Variants in SLC35F2 observed in about 807,000 individuals in gnomAD.
SLC35F2 encodes queuine/queuosine transporter SLC35F2.
A neutral mutation model predicts 38.1 loss-of-function variants in SLC35F2; 25 were observed. The ratio of observed to expected loss-of-function variants is 0.66; its 90% CI spans 0.48 to 0.92. The LOEUF is 0.92. Among genes scored for constraint, SLC35F2 ranks in the 40% least tolerant of loss-of-function variants. The pLI is 0.00. For missense variants in SLC35F2, 409 were observed against 452.9 expected (o/e 0.90, Z 0.88); for synonymous variants, 173 against 181.7 (o/e 0.95, Z 0.38).
intron 7 of SLC35F2, among the ~76,000 whole-genome samples, chr11:107,801,924 C>A (rs1859316070): frequency 6.6e-6 from 1 of 152,092 alleles, no homozygotes; most frequent in Non-Finnish European, 1.5e-5. Flanking sequence ...CCTCCCTGGG[C>A]CTTTGTTTTT....
At position 107,815,769 on chromosome 11, in the gene SLC35F2, T is replaced by A. The variant is rs77987299; in HGVS notation, c.286+21A>T. 8.4e-4 allele frequency: 1,320 copies of A among 1,569,482 alleles called. 9 individuals carry two copies. In the African/African-American group the frequency reaches 0.016, roughly 19 times the overall value. On this transcript the variant is annotated intron_variant, in intron 2 of 7. Transcript: ENST00000525815. ...TATGAAGATAATTTTGTTGAAAAGA[T>A]AATTTCCACATTTGACATACCTGAT...
At chr11:107,809,329 CAAAAAAAAAA>C (rs61511493) in intron 3 of SLC35F2, among the ~76,000 whole-genome samples, 14,583 of 96,250 alleles carry the variant, frequency 0.15, 1,207 homozygotes, top group African/African-American at 0.29. Flanking sequence ...ACTCAAAATA[CAAAAAAAAAA>C]AAAAAAAAAA....
At chr11:107,816,015 TACACACACACACACACACACAC>T (rs370565333) in intron 1 of SLC35F2, 50 bp from the exon 2 acceptor site, 6 of 1,228,836 alleles carry the variant, frequency 4.9e-6, no homozygotes, top group Non-Finnish European at 2.2e-6. Flanking sequence ...AGTTATACCT[TACACACACACACACACACACAC>T]ACACACACAC....
intron 1 of SLC35F2, among the ~76,000 whole-genome samples, chr11:107,836,963 T>G (rs1859940148): frequency 6.6e-6 from 1 of 152,158 alleles, no homozygotes; most frequent in Non-Finnish European, 1.5e-5. Flanking sequence ...AAGAGTCTAT[T>G]AAAAAACTGC....
rs542568204 is a variant in SLC35F2 at position 107,858,036 on chromosome 11, T to TA, written c.110+621dup. Among the ~76,000 whole-genome samples the TA allele has an allele frequency of 1.6e-4, 24 of 152,250 alleles. No individual in the cohort carries two copies. The East Asian group carries it at 4.4e-3, about 28-fold the overall frequency. On this transcript the variant is annotated intron_variant, in intron 1 of 7. Coordinates refer to ENST00000525815, the MANE Select transcript of SLC35F2 (RefSeq NM_017515.5). Reference sequence around the variant, plus strand: ...CTTTCTAGAGTCGCTGCCCACTCCTTAAAAACATTTGTCCCTACTTCGCAC... The same window carrying TA: ...CTTTCTAGAGTCGCTGCCCACTCCTTAAAAAACATTTGTCCCTACTTCGCAC...
At chr11:107,802,366 C>G (rs2134768913) in intron 7 of SLC35F2, among the ~76,000 whole-genome samples, 1 of 152,306 alleles carries the variant, frequency 6.6e-6, no homozygotes, top group East Asian at 1.9e-4. Context: ...CTTGCTTCCC[C>G]TGAAGACACT....
intron 3 of SLC35F2, among the ~76,000 whole-genome samples, chr11:107,808,661 G>A (rs571226602): frequency 6.6e-6 from 1 of 152,288 alleles, no homozygotes; most frequent in Non-Finnish European, 1.5e-5. Context: ...AGTAGCATCA[G>A]TGGAGTCCAA....
chr11:107,796,276 A>G (rs1203187644), intron 7 of SLC35F2, among the ~76,000 whole-genome samples: 1 of 152,218 alleles, frequency 6.6e-6, no homozygotes, highest in Non-Finnish European at 1.5e-5. Context: ...ACTACTGGGT[A>G]TTTATCCAAA....
chr11:107,799,895 T>TTG (rs1555082170), intron 7 of SLC35F2, among the ~76,000 whole-genome samples: 11 of 25,660 alleles, frequency 4.3e-4, no homozygotes, highest in East Asian at 2.7e-3. Flanking sequence ...TTGTTTTTGT[T>TTG]TTTTTTTTTT....
intron 4 of SLC35F2, among the ~76,000 whole-genome samples, chr11:107,806,157 ACTC>A (rs1232616833): frequency 1.3e-5 from 2 of 152,182 alleles, no homozygotes; most frequent in Admixed American, 1.3e-4. Flanking sequence ...TCATAATTTA[ACTC>A]CTCAGAAGTC....
chr11:107,809,438 G>T (rs1161707736), intron 3 of SLC35F2, among the ~76,000 whole-genome samples: 1 of 144,924 alleles, frequency 6.9e-6, no homozygotes, highest in African/African-American at 2.6e-5. Flanking sequence ...CTCCAGCTCG[G>T]TGACAGAATG....
At chr11:107,802,941 C>A in intron 7 of SLC35F2, 60 bp downstream of exon 7, 2 of 1,474,790 alleles carry the variant, frequency 1.4e-6, no homozygotes, top group African/African-American at 1.5e-5. Flanking sequence ...CTTGAAGAAA[C>A]CTGCTACGTT....
chr11:107,800,306 C>T (rs1252949187), intron 7 of SLC35F2, among the ~76,000 whole-genome samples: 5 of 145,454 alleles, frequency 3.4e-5, no homozygotes, highest in Non-Finnish European at 5.9e-5. Flanking sequence ...TGTAACCTTG[C>T]AAACCAAAGG....
chr11:107,793,803 C>T (rs1396733495), intron 7 of SLC35F2, among the ~76,000 whole-genome samples: 1 of 151,996 alleles, frequency 6.6e-6, no homozygotes, highest in Non-Finnish European at 1.5e-5. Flanking sequence ...TCTCTGTTCC[C>T]AGAAGGACCA....
intron 1 of SLC35F2, among the ~76,000 whole-genome samples, chr11:107,847,687 CA>C (rs1236883433): frequency 6.6e-6 from 1 of 152,172 alleles, no homozygotes; most frequent in Non-Finnish European, 1.5e-5. Context: ...CACAGAGGGG[CA>C]CCCAACTGAA....
chr11:107,812,777 C>T (rs668785), intron 2 of SLC35F2, among the ~76,000 whole-genome samples: 69,486 of 151,898 alleles, frequency 0.46, 16,571 homozygotes, highest in African/African-American at 0.61. Context: ...TGACAAGCCA[C>T]GGACTATCCT....
At chr11:107,802,619 G>A (rs1405815224) in intron 7 of SLC35F2, among the ~76,000 whole-genome samples, 4 of 152,170 alleles carry the variant, frequency 2.6e-5, no homozygotes, top group Admixed American at 6.5e-5. Flanking sequence ...CAGACTTTTT[G>A]TCTCTATACC....
chr11:107,810,009 T>C (rs987835314), intron 3 of SLC35F2: 15 of 985,220 alleles, frequency 1.5e-5, no homozygotes, highest in Non-Finnish European at 1.8e-5. Context: ...CCCATGACTG[T>C]TGGTAATTAC....
At chr11:107,807,293 C>CAACA (rs1207756188) in intron 3 of SLC35F2, among the ~76,000 whole-genome samples, 1 of 67,288 alleles carries the variant, frequency 1.5e-5, no homozygotes, top group East Asian at 2.5e-4. Flanking sequence ...AAAACAACAA[C>CAACA]AAAAAAAAAC....
Sources: gnomAD v4.1 joint callset for allele counts (sites outside exome capture counted in the v4.1 genomes callset) on GRCh38, gnomAD v4.1.1 for gene constraint, MANE v1.5 for transcripts, NCBI Gene and HGNC (gene_info 2026-07-23, HGNC 2026-07-21) for gene names.